MYBPH: variants seen among roughly 807,000 people sequenced by gnomAD.
MYBPH encodes the protein myosin binding protein H.
A neutral mutation model predicts 53.6 loss-of-function variants in MYBPH; 49 were observed. The ratio of observed to expected loss-of-function variants is 0.91; its 90% CI spans 0.73 to 1.16. MYBPH has a LOEUF of 1.16. Among genes scored for constraint, MYBPH ranks in the 50% most tolerant of loss-of-function variants. The pLI, the probability that MYBPH is intolerant of heterozygous loss-of-function variation, is 0.00. For missense variants in MYBPH, 558 were observed against 624.1 expected (o/e 0.89, Z 1.13); for synonymous variants, 239 against 249.6 (o/e 0.96, Z 0.40).
Position 203,169,275 on chromosome 1 carries a change from C to T in MYBPH, c.1208G>A (p.Cys403Tyr), listed in dbSNP as rs376574120. 1.9e-6 allele frequency: 3 copies of T among 1,611,792 alleles called. No individual in the cohort carries two copies. Among genetic ancestry groups the T allele is most frequent in the Non-Finnish European group, 2.5e-6 (3 of 1,178,878 alleles). Reference sequence around the variant, plus strand: ...CACCTTGGGTGAAGCTCGGACACTGCAGAACAACTGGGTGCTGTAGCCAGG... The same window carrying T: ...CACCTTGGGTGAAGCTCGGACACTGTAGAACAACTGGGTGCTGTAGCCAGG... ...STPGYSTQLFCSVRASPKPKI... is the reference protein window; with the variant it reads ...STPGYSTQLFYSVRASPKPKI... The change falls in exon 8 of 11, where the codon TGC becomes TAC. Residue 403 changes from cysteine to tyrosine, a missense_variant. By Grantham distance (194) the Cys-to-Tyr change is radical. Coordinates refer to ENST00000255416, the MANE Select transcript of MYBPH (RefSeq NM_004997.3).
At chr1:203,168,331 T>A (rs1416718021) in intron 10 of MYBPH, among the ~76,000 whole-genome samples, 3 of 152,188 alleles carry the variant, frequency 2.0e-5, no homozygotes, top group Non-Finnish European at 2.9e-5. Context: ...AGTTTTCGGA[T>A]GAGAGAATGT....
At chr1:203,168,539 C>G in intron 10 of MYBPH, 88 bp downstream of exon 10, 2 of 1,353,838 alleles carry the variant, frequency 1.5e-6, no homozygotes, top group Non-Finnish European at 2.1e-6. Context: ...ACCACCTTCC[C>G]TTCTCACCCC....
chr1:203,177,257 G>A (rs553506041), upstream of MYBPH, among the ~76,000 whole-genome samples: 124 of 152,356 alleles, frequency 8.1e-4, no homozygotes, highest in Admixed American at 3.4e-3. Flanking sequence ...ATCTGTGATC[G>A]TGAGGGCTGC....
upstream of MYBPH, chr1:203,178,983 G>A (rs1558147033): frequency 1.3e-5 from 2 of 155,476 alleles, no homozygotes; most frequent in Non-Finnish European, 2.8e-5. Flanking sequence ...GGAAGGGGAA[G>A]TAGGATAGGG....
upstream of MYBPH, among the ~76,000 whole-genome samples, chr1:203,178,443 C>T (rs1045742691): frequency 1.3e-5 from 2 of 152,196 alleles, no homozygotes; most frequent in Non-Finnish European, 2.9e-5. Context: ...ATCTCTCAAG[C>T]ACTCTGCAGG....
Position 203,175,677 on chromosome 1 carries a change from C to A in MYBPH, c.79G>T (p.Ala27Ser). The A allele has an allele frequency of 1.2e-6, 2 of 1,614,032 alleles. No individual in the cohort carries two copies. Among genetic ancestry groups the A allele is most frequent in the Non-Finnish European group, 1.7e-6 (2 of 1,179,968 alleles). Residue 27 changes from alanine (A) to serine (S), a missense_variant, in exon 1 of 11, where the codon GCA becomes TCA. Physicochemically the swap from Ala to Ser is moderately conservative, Grantham distance 99. Transcript: ENST00000255416. ...TASESAKVPTAEPPGEVAVSE... is the reference protein window; with the variant it reads ...TASESAKVPTSEPPGEVAVSE... Reference sequence around the variant, plus strand: ...ACTGCCACTTCTCCGGGAGGCTCTGCTGTGGGCACCTTGGCAGATTCAGAT... The same window carrying A: ...ACTGCCACTTCTCCGGGAGGCTCTGATGTGGGCACCTTGGCAGATTCAGAT...
At chr1:203,175,836 A>G (rs1042426866), upstream of MYBPH, 49 of 1,415,518 alleles carry the variant, frequency 3.5e-5, no homozygotes, top group Non-Finnish European at 4.6e-5. Context: ...TGCCTGGGAC[A>G]CCTAGGTCCA....
chr1:203,174,673 CTGG>C, intron 2 of MYBPH, 76 bp from the exon 3 acceptor site: 1 of 1,364,610 alleles, frequency 7.3e-7, no homozygotes, highest in East Asian at 2.7e-5. Context: ...TCTTTTCCTG[CTGG>C]TGATCTGGGG....
chr1:203,178,289 G>A (rs1330210412), upstream of MYBPH, among the ~76,000 whole-genome samples: 1 of 152,212 alleles, frequency 6.6e-6, no homozygotes, highest in Non-Finnish European at 1.5e-5. Context: ...ATCTCTGAAT[G>A]GGTGGAGGGA....
chr1:203,177,822 G>C (rs1156978370), upstream of MYBPH, among the ~76,000 whole-genome samples: 1 of 152,238 alleles, frequency 6.6e-6, no homozygotes, highest in Non-Finnish European at 1.5e-5. Context: ...GCAGGGATTA[G>C]GGAATACTTG....
In MYBPH at chr1:203,170,185, A is replaced by C; in HGVS notation, c.1093+106T>G. On this transcript the variant is annotated intron_variant, in intron 7 of 10. Coordinates refer to ENST00000255416, the MANE Select transcript of MYBPH (RefSeq NM_004997.3). ...GGAGTGAGGAGACGGCAAGTGTTCCAGGGGCAGACGCCCAGGAGAAACCCA... is the reference window on the plus strand; with the variant it reads ...GGAGTGAGGAGACGGCAAGTGTTCCCGGGGCAGACGCCCAGGAGAAACCCA... 3.6e-6 allele frequency: 5 copies of C among 1,393,710 alleles called. No homozygotes were observed. In the South Asian group the frequency reaches 6.8e-5, roughly 19 times the overall value. 86.3% of individuals were successfully genotyped at this position (1,393,710 alleles called of 1,614,324 possible). A position where few individuals can be genotyped will look rare whatever the true frequency, so the allele number is the denominator to read the frequency against.
chr1:203,168,420 C>T (rs953073380), intron 10 of MYBPH, among the ~76,000 whole-genome samples: 3 of 152,196 alleles, frequency 2.0e-5, no homozygotes, highest in Admixed American at 1.3e-4. Flanking sequence ...ACGGAATCAC[C>T]CCCCTTCCAG....
At position 203,171,467 on chromosome 1, in the gene MYBPH, G is replaced by A. The variant is rs1390521551; in HGVS notation, c.709C>T (p.Gln237Ter). The A allele has an allele frequency of 2.5e-6, 4 of 1,613,924 alleles. No homozygotes were observed. Among genetic ancestry groups the A allele is most frequent in the East Asian group, 4.5e-5 (2 of 44,886 alleles). The change falls in exon 5 of 11, where the codon CAG (glutamine) becomes TAG (stop). Residue 237 changes from glutamine (Q) to a stop codon, truncating the protein, a stop_gained. Transcript: ENST00000255416. LOFTEE classifies it high-confidence loss of function. This position sits in a 1 kb window ranked among gnomAD's most constrained non-coding sequence, Gnocchi z 4.2. ...QDSILFIRSA[Q>*]RSDSGRYELT... Reference sequence around the variant, plus strand: ...TCGTAGCGGCCAGAGTCGGAGCGCTGGGCCGAGCGAATGAAGAGGATGGAG... The same window carrying A: ...TCGTAGCGGCCAGAGTCGGAGCGCTAGGCCGAGCGAATGAAGAGGATGGAG...
rs761537923 is a variant in MYBPH at position 203,171,131 on chromosome 1, G to A, written c.863C>T (p.Thr288Met). The part of the protein sequence containing the change: ...VWGCNAALQW[T>M]PPQDTGNTEL... Reference sequence around the variant, plus strand: ...TGTGTTGCCTGTGTCCTGGGGTGGCGTCCACTGAAGAGCAGCATTGCAGCC... The same window carrying A: ...TGTGTTGCCTGTGTCCTGGGGTGGCATCCACTGAAGAGCAGCATTGCAGCC... The change falls in exon 6 of 11, where the codon ACG (threonine) becomes ATG (methionine). Residue 288 changes from threonine (T) to methionine (M), a missense_variant. Coordinates refer to ENST00000255416, the MANE Select transcript of MYBPH (RefSeq NM_004997.3). The surrounding 1 kb of genome is among the most constrained non-coding windows in gnomAD (Gnocchi z 4.2). The A allele has an allele frequency of 2.3e-5, 37 of 1,613,176 alleles. No homozygotes were observed. Among genetic ancestry groups the A allele is most frequent in the South Asian group, 1.8e-4 (16 of 90,988 alleles).
At chr1:203,179,146 T>A (rs533698461), upstream of MYBPH, 90 of 248,308 alleles carry the variant, frequency 3.6e-4, 1 homozygote, top group Admixed American at 3.5e-4. Context: ...GGGCAGGGAG[T>A]TGAAGAAATT....
upstream of MYBPH, among the ~76,000 whole-genome samples, chr1:203,176,927 T>C (rs540749082): frequency 9.9e-5 from 15 of 152,264 alleles, no homozygotes; most frequent in South Asian, 3.1e-3. Context: ...GCAATGTTAT[T>C]TGTAATTGTT....
chr1:203,173,360 G>C (rs889809324), intron 3 of MYBPH, among the ~76,000 whole-genome samples: 1 of 152,220 alleles, frequency 6.6e-6, no homozygotes, highest in Non-Finnish European at 1.5e-5. Flanking sequence ...CTGGGAATTA[G>C]GGTTGGGAGG....
chr1:203,173,841 G>A (rs1011945080), intron 3 of MYBPH, among the ~76,000 whole-genome samples: 2 of 152,220 alleles, frequency 1.3e-5, no homozygotes, highest in Admixed American at 6.5e-5. Context: ...GGGAGCGAGG[G>A]GAGGATTGAG....
chr1:203,170,031 T>C (rs1251217391), intron 7 of MYBPH, among the ~76,000 whole-genome samples: 1 of 152,174 alleles, frequency 6.6e-6, no homozygotes, highest in African/African-American at 2.4e-5. Context: ...ACACACCTCT[T>C]TGGAATAAGC....
Sources: gnomAD v4.1 joint callset for allele counts (sites outside exome capture counted in the v4.1 genomes callset) on GRCh38, gnomAD v4.1.1 for gene constraint, Gnocchi (gnomAD v3.1) non-coding constraint, MANE v1.5 for transcripts, NCBI Gene and HGNC (gene_info 2026-07-23, HGNC 2026-07-21) for gene names.